Variants in HIF3A observed in about 807,000 individuals in gnomAD.
The protein encoded by HIF3A is hypoxia-inducible factor 3-alpha.
HIF3A carries 41 observed loss-of-function variants against 67.2 expected under a neutral mutation model. The ratio of observed to expected loss-of-function variants is 0.61; its 90% CI spans 0.48 to 0.79. The LOEUF (loss-of-function observed/expected upper bound fraction) is 0.79, where lower values mean the gene tolerates loss of function less well. HIF3A is among the 30% of genes least tolerant of loss of function. HIF3A has a pLI of 0.00. For missense variants in HIF3A, 855 were observed against 898.0 expected (o/e 0.95, Z 0.61); for synonymous variants, 356 against 374.8 (o/e 0.95, Z 0.58).
In HIF3A at chr19:46,298,526, C is replaced by T. The variant is rs531146275; in HGVS notation, c.26+1424C>T. The T allele has an allele frequency of 1.5e-3, 1,927 of 1,265,826 alleles. 4 individuals are homozygous for T. The highest frequency in any genetic ancestry group is 1.7e-3 in the Non-Finnish European group (1,654 of 976,472). 78.4% of individuals were successfully genotyped at this position (1,265,826 alleles called of 1,614,324 possible). ...GGGCCTGGGCGATGGTGAGTGGGCC[C>T]CCAACACCTCCTTTCCCCCTTCCCT... is the stretch of plus-strand genomic sequence containing the variant. On this transcript the variant is annotated intron_variant, in intron 1 of 14. Transcript: ENST00000377670.
intron 1 of HIF3A, 87 bp from the exon 2 acceptor site, chr19:46,303,811 C>T: frequency 6.6e-7 from 1 of 1,513,154 alleles, no homozygotes; most frequent in East Asian, 2.4e-5. Context: ...CGAGCCCCGG[C>T]CCCACGTGGC....
At chr19:46,336,943 C>T (rs568230403) in intron 14 of HIF3A, among the ~76,000 whole-genome samples, 1 of 152,200 alleles carries the variant, frequency 6.6e-6, no homozygotes, top group South Asian at 2.1e-4. Context: ...GCTGAGATCA[C>T]GCCATTGTAC....
chr19:46,330,518 A>T (rs887749052), intron 12 of HIF3A, among the ~76,000 whole-genome samples: 5 of 139,976 alleles, frequency 3.6e-5, no homozygotes, highest in African/African-American at 1.4e-4. Flanking sequence ...ATGGATGGAT[A>T]GTTGGATGGA....
chr19:46,328,730 T>C (rs1303782953), intron 11 of HIF3A, among the ~76,000 whole-genome samples: 1 of 101,334 alleles, frequency 9.9e-6, no homozygotes. Flanking sequence ...TTAGGTTTGT[T>C]TTTTTTTTTG....
chr19:46,333,894 G>A (rs963248744), intron 13 of HIF3A, among the ~76,000 whole-genome samples: 5 of 142,056 alleles, frequency 3.5e-5, no homozygotes, highest in Non-Finnish European at 7.5e-5. Context: ...CCGGGTTCAC[G>A]CCATTCTCCT....
At chr19:46,301,136 A>C (rs1471322819) in intron 1 of HIF3A, among the ~76,000 whole-genome samples, 2 of 152,136 alleles carry the variant, frequency 1.3e-5, no homozygotes, top group Non-Finnish European at 2.9e-5. Flanking sequence ...GGACGGGGAC[A>C]GGGGCCGTAT....
At chr19:46,335,033 C>T (rs181272186) in intron 14 of HIF3A, 47 bp downstream of exon 14, 14 of 1,478,672 alleles carry the variant, frequency 9.5e-6, no homozygotes, top group African/African-American at 1.4e-5. Flanking sequence ...CCTTCTCCCC[C>T]GGGAGGTGCG....
chr19:46,304,182 T>G, intron 2 of HIF3A, 94 bp downstream of exon 2: 1 of 1,157,020 alleles, frequency 8.6e-7, no homozygotes, highest in Non-Finnish European at 1.2e-6. Flanking sequence ...GGAAGCCTTA[T>G]TCTGACAAAG....
At chr19:46,330,736 G>A (rs1601352077) in intron 12 of HIF3A, among the ~76,000 whole-genome samples, 2 of 150,356 alleles carry the variant, frequency 1.3e-5, no homozygotes, top group South Asian at 4.3e-4. Flanking sequence ...ATGGCAGATG[G>A]ATGGCAGATG....
intron 11 of HIF3A, among the ~76,000 whole-genome samples, chr19:46,326,349 C>G (rs2147260601): frequency 6.6e-6 from 1 of 152,268 alleles, no homozygotes; most frequent in East Asian, 1.9e-4. Flanking sequence ...GTACAAGTCC[C>G]AGACTGAAGA....
chr19:46,309,357 C>A lies in HIF3A; in HGVS notation c.768C>A (p.Asp256Glu). 6.3e-7 allele frequency: 1 copy of A among 1,598,972 alleles called. No homozygotes were observed. Among genetic ancestry groups the A allele is most frequent in the South Asian group, 1.1e-5 (1 of 89,036 alleles). Reference protein sequence around the residue: ...SLDMKFTYCDDRIAEVAGYSP... With the variant: ...SLDMKFTYCDERIAEVAGYSP... ...ACATGAAGTTCACCTACTGTGACGA[C>A]AGGTGGGCAGGGGCCCCCTCTTCCG... Residue 256 changes from aspartate (D) to glutamate (E), a missense_variant and splice_region_variant, in exon 6 of 15, where the codon GAC (aspartate) becomes GAA (glutamate). Physicochemically the swap from Asp to Glu is conservative, Grantham distance 45 (BLOSUM62 2). Transcript: ENST00000377670.
intron 8 of HIF3A, among the ~76,000 whole-genome samples, chr19:46,315,297 C>T (rs1237294951): frequency 6.8e-6 from 1 of 146,258 alleles, no homozygotes; most frequent in African/African-American, 2.5e-5. Flanking sequence ...GAACTCCTGA[C>T]CTCAGGTGAT....
chr19:46,318,406 C>A (rs1405971055), intron 8 of HIF3A, among the ~76,000 whole-genome samples: 1 of 151,102 alleles, frequency 6.6e-6, no homozygotes, highest in East Asian at 2.0e-4. Context: ...AAAAATTAAC[C>A]CAGCGTGGTG....
chr19:46,325,504 T>G (rs1319764876), intron 10 of HIF3A, 31 bp from the exon 11 acceptor site: 8 of 1,510,578 alleles, frequency 5.3e-6, no homozygotes, highest in Non-Finnish European at 4.6e-6. Flanking sequence ...GGCTCAAGAT[T>G]TCCTGAAGTT....
rs1187263352 is a variant in HIF3A, at chr19:46,341,800, TC to T, written c.*2180del. Reference sequence around the variant, plus strand: ...GGGATTACAGGAGCCCACCACCACATCCGGCTACCTTTGTGTATTTTTTAGT... The same window carrying T: ...GGGATTACAGGAGCCCACCACCACATCGGCTACCTTTGTGTATTTTTTAGT... On this transcript the variant is annotated 3_prime_UTR_variant, in exon 15 of 15. Coordinates refer to ENST00000377670, the MANE Select transcript of HIF3A (RefSeq NM_152795.4). 2 of 151,782 alleles carry T rather than the reference TC, an allele frequency of 1.3e-5. No homozygotes were observed. The highest frequency in any genetic ancestry group is 4.8e-5 in the African/African-American group (2 of 41,316). The allele number at this position is 151,782 out of a possible 1,614,324, so 9.4% of individuals were successfully genotyped here.
chr19:46,307,995 C>CAGATAGATAGAT (rs1340207081), intron 3 of HIF3A, among the ~76,000 whole-genome samples: 32 of 26,928 alleles, frequency 1.2e-3, no homozygotes, highest in East Asian at 0.01. Flanking sequence ...GACAGACAGA[C>CAGATAGATAGAT]AGACAGATAG....
chr19:46,299,471 G>A (rs1968141622), intron 1 of HIF3A, among the ~76,000 whole-genome samples: 1 of 152,112 alleles, frequency 6.6e-6, no homozygotes, highest in Non-Finnish European at 1.5e-5. Flanking sequence ...TGTTATTCCA[G>A]CACTTTGGGA....
Position 46,309,151 on chromosome 19 carries a change from G to A in HIF3A, c.562G>A (p.Val188Met), listed in dbSNP as rs770178353. Residue 188 changes from valine to methionine, a missense_variant and splice_region_variant, in exon 6 of 15, where the codon GTG (valine) becomes ATG (methionine). Around this residue, in one of 3 missense-constraint regions of HIF3A, gnomAD observed 638 missense variants for 660.5 expected, o/e 0.97. Transcript: ENST00000377670. ...TLNLKAATWK[V>M]LNCSGHMRAY... ...CTTGTCCCCTCATCTCGGCCCCCAG[G>A]TGCTGAACTGCTCTGGACATATGAG... The A allele has an allele frequency of 1.2e-6, 2 of 1,613,138 alleles. No homozygotes were observed. The highest frequency in any genetic ancestry group is 1.1e-5 in the South Asian group (1 of 91,006).
At position 46,327,838 on chromosome 19, in the gene HIF3A, G is replaced by C. The variant is rs190637591; in HGVS notation, c.1441-1369G>C. On this transcript the variant is annotated intron_variant, in intron 11 of 14. Transcript: ENST00000377670. ...AGAATACAGATCAGAAACAGACAAA[G>C]GAAGATATTCATAGGTGGAATCTGG... 5.3e-5 allele frequency among the ~76,000 whole-genome samples: 8 copies of C among 152,292 alleles called. No homozygotes were observed. In the East Asian group the frequency reaches 1.5e-3, roughly 29 times the overall value.
Sources: gnomAD v4.1 joint callset for allele counts (sites outside exome capture counted in the v4.1 genomes callset) on GRCh38, gnomAD v4.1.1 for gene constraint, gnomAD v4.1.1 regional missense constraint, MANE v1.5 for transcripts, NCBI Gene and HGNC (gene_info 2026-07-23, HGNC 2026-07-21) for gene names.